The following ST8SIA4 variants were observed in gnomAD, a reference collection of about 807,000 sequenced individuals.
The protein encoded by ST8SIA4 is CMP-N-acetylneuraminate-poly-alpha-2,8-sialyltransferase.
Under a neutral mutation model 33.9 loss-of-function variants are expected in ST8SIA4, and 15 were observed. The observed-to-expected ratio is 0.44, with a 90% CI of 0.30 to 0.68. The LOEUF (loss-of-function observed/expected upper bound fraction) is 0.68. ST8SIA4 is among the 30% of genes least tolerant of loss of function. The probability of loss-of-function intolerance (pLI) is 0.10; values close to 1 mark genes in which losing one functional copy is unlikely to be tolerated. For missense variants in ST8SIA4, 321 were observed against 428.0 expected (o/e 0.75, Z 2.21); for synonymous variants, 171 against 151.2 (o/e 1.13, Z -0.96).
chr5:100,851,410 C>A (rs559330162), intron 4 of ST8SIA4, among the ~76,000 whole-genome samples: 1 of 151,376 alleles, frequency 6.6e-6, no homozygotes, highest in African/African-American at 2.4e-5. Context: ...AAATTATATA[C>A]AACAAGAACA....
intron 4 of ST8SIA4, among the ~76,000 whole-genome samples, chr5:100,824,896 C>CAA (rs34354091): frequency 8.7e-5 from 10 of 115,220 alleles, no homozygotes; most frequent in African/African-American, 3.3e-4. Flanking sequence ...CCTGTCTTGA[C>CAA]AAAAAAAAAA....
chr5:100,830,242 C>A (rs1489924295), intron 4 of ST8SIA4, among the ~76,000 whole-genome samples: 1 of 151,608 alleles, frequency 6.6e-6, no homozygotes, highest in Non-Finnish European at 1.5e-5. Context: ...GACTCTGGAG[C>A]CAGACCGATG....
At chr5:100,817,109 A>ATTTTTTTTTTTTTTTT (rs57222657) in intron 4 of ST8SIA4, among the ~76,000 whole-genome samples, 4 of 74,326 alleles carry the variant, frequency 5.4e-5, no homozygotes, top group Non-Finnish European at 9.0e-5. Context: ...CACCCAGCTA[A>ATTTTTTTTTTTTTTTT]TTTTTTTTTT....
At chr5:100,835,093 A>G (rs567995468) in intron 4 of ST8SIA4, among the ~76,000 whole-genome samples, 32 of 152,264 alleles carry the variant, frequency 2.1e-4, no homozygotes, top group African/African-American at 7.5e-4. Context: ...TAGCATTTTT[A>G]TATTCCAGAA....
At chr5:100,869,100 A>T (rs1752141450) in intron 3 of ST8SIA4, among the ~76,000 whole-genome samples, 1 of 152,132 alleles carries the variant, frequency 6.6e-6, no homozygotes, top group South Asian at 2.1e-4. Context: ...GATCACCTCA[A>T]AAGTCGAAAC....
chr5:100,832,302 C>T (rs1202267417), intron 4 of ST8SIA4, among the ~76,000 whole-genome samples: 4 of 151,960 alleles, frequency 2.6e-5, no homozygotes. Context: ...AGATGTGATA[C>T]TGTATATCTG....
chr5:100,849,781 C>T (rs965596678), intron 4 of ST8SIA4, among the ~76,000 whole-genome samples: 1 of 151,930 alleles, frequency 6.6e-6, no homozygotes, highest in Non-Finnish European at 1.5e-5. Context: ...TGCGTCAGAG[C>T]GAGACTCTGT....
chr5:100,901,307 G>A (rs1234246382), intron 1 of ST8SIA4, among the ~76,000 whole-genome samples: 1 of 152,166 alleles, frequency 6.6e-6, no homozygotes, highest in Non-Finnish European at 1.5e-5. Flanking sequence ...GAGTCCTAGT[G>A]AGCCTTGGCC....
At chr5:100,842,322 C>T (rs944300109) in intron 4 of ST8SIA4, among the ~76,000 whole-genome samples, 3 of 151,764 alleles carry the variant, frequency 2.0e-5, no homozygotes, top group Non-Finnish European at 4.4e-5. Context: ...GAGCAAAGAA[C>T]AAAATTTTAG....
At position 100,811,879 on chromosome 5, in the gene ST8SIA4, T is replaced by G; in HGVS notation, c.1048A>C (p.Lys350Gln). 1 of 1,613,646 alleles carries G rather than the reference T, an allele frequency of 6.2e-7. No individual in the cohort carries two copies. Among genetic ancestry groups the G allele is most frequent in the African/African-American group, 1.3e-5 (1 of 74,972 alleles). Residue 350 changes from lysine (K) to glutamine (Q), a missense_variant, in exon 5 of 5, where the codon AAA becomes CAA. Lys to Gln is a moderately conservative substitution (Grantham distance 53, BLOSUM62 1). Coordinates refer to ENST00000231461, the MANE Select transcript of ST8SIA4 (RefSeq NM_005668.6). ...LNVLHNRGALKLTTGKCVKQ is the reference protein window; with the variant it reads ...LNVLHNRGALQLTTGKCVKQ Reference sequence around the variant, plus strand: ...TTTACACACTTTCCTGTTGTCAGTTTTAGAGCTCCTCTATTATGTAGCACA... The same window carrying G: ...TTTACACACTTTCCTGTTGTCAGTTGTAGAGCTCCTCTATTATGTAGCACA...
chr5:100,843,322 T>C (rs1460795377), intron 4 of ST8SIA4, among the ~76,000 whole-genome samples: 1 of 151,858 alleles, frequency 6.6e-6, no homozygotes, highest in African/African-American at 2.4e-5. Flanking sequence ...ACAATAAAAG[T>C]TTATATTGTC....
At chr5:100,870,691 C>T (rs1302888840) in intron 3 of ST8SIA4, among the ~76,000 whole-genome samples, 2 of 151,970 alleles carry the variant, frequency 1.3e-5, no homozygotes, top group African/African-American at 4.8e-5. Flanking sequence ...TGAGGAGTGA[C>T]ATAATTAGAA....
chr5:100,830,475 C>A lies in ST8SIA4; in HGVS notation c.798-18346G>T, dbSNP rs73775644. 9.7e-3 allele frequency among the ~76,000 whole-genome samples: 1,476 copies of A among 152,310 alleles called. 20 individuals carry two copies. Among genetic ancestry groups the A allele is most frequent in the African/African-American group, 0.034 (1,416 of 41,560 alleles). ...AATAAAACAGCCAGTAGTTTCCTAT[C>A]TGGATTTCAAATTTTTAAAGCCTAA... On this transcript the variant is annotated intron_variant, in intron 4 of 4. Transcript: ENST00000231461.
rs1011333618 is a variant in ST8SIA4 at position 100,810,029 on chromosome 5, CAT to C, written c.*1816_*1817del. ...AGACTGTTTTCCCTAAGAAACAAAA[CAT>C]ATATATTCCCCATGCCATTTCTTCT... On this transcript the variant is annotated 3_prime_UTR_variant, in exon 5 of 5. Coordinates refer to ENST00000231461, the MANE Select transcript of ST8SIA4 (RefSeq NM_005668.6). 1 of 151,946 alleles carries C rather than the reference CAT, an allele frequency of 6.6e-6. No individual in the cohort carries two copies. The highest frequency in any genetic ancestry group is 1.5e-5 in the Non-Finnish European group (1 of 67,960). 9.4% of individuals were successfully genotyped at this position (151,946 alleles called of 1,614,324 possible).
intron 3 of ST8SIA4, among the ~76,000 whole-genome samples, chr5:100,871,091 A>C (rs1752189061): frequency 6.6e-6 from 1 of 152,104 alleles, no homozygotes. Flanking sequence ...AGTTAAGGGA[A>C]TACATATCCT....
Position 100,811,612 on chromosome 5 carries a change from A to G in ST8SIA4, c.*235T>C. 2.1e-6 allele frequency: 1 copy of G among 469,350 alleles called. No homozygotes were observed. Among genetic ancestry groups the G allele is most frequent in the Non-Finnish European group, 3.9e-6 (1 of 259,566 alleles). 29.1% of individuals were successfully genotyped at this position (469,350 alleles called of 1,614,324 possible). ...GTAAACACTACTGATTATACATTCAAACTGTATTCTTAGTGGAAGTGGCAC... is the reference window on the plus strand; with the variant it reads ...GTAAACACTACTGATTATACATTCAGACTGTATTCTTAGTGGAAGTGGCAC... On this transcript the variant is annotated 3_prime_UTR_variant, in exon 5 of 5. Coordinates refer to ENST00000231461, the MANE Select transcript of ST8SIA4 (RefSeq NM_005668.6).
At chr5:100,836,662 C>T (rs1021732870) in intron 4 of ST8SIA4, among the ~76,000 whole-genome samples, 2 of 152,014 alleles carry the variant, frequency 1.3e-5, no homozygotes, top group African/African-American at 4.8e-5. Flanking sequence ...TTAAAGATAT[C>T]ATTTCATAAC....
chr5:100,894,822 A>G (rs1212413027), intron 2 of ST8SIA4, among the ~76,000 whole-genome samples: 1 of 152,044 alleles, frequency 6.6e-6, no homozygotes, highest in Non-Finnish European at 1.5e-5. Flanking sequence ...TACACCTATA[A>G]AATCTGTGTG....
chr5:100,844,903 T>C (rs1055005398), intron 4 of ST8SIA4, among the ~76,000 whole-genome samples: 3 of 152,052 alleles, frequency 2.0e-5, no homozygotes, highest in African/African-American at 7.2e-5. Flanking sequence ...GAAATGACTC[T>C]TTCTTTGATC....
Sources: allele counts gnomAD v4.1 joint callset (sites outside exome capture counted in the v4.1 genomes callset), GRCh38; gene constraint gnomAD v4.1.1; transcripts MANE v1.5; gene names NCBI Gene and HGNC (gene_info 2026-07-23, HGNC 2026-07-21).